Variants in PXYLP1 observed in about 807,000 individuals in gnomAD.
PXYLP1 encodes the protein 2-phosphoxylose phosphatase 1, also known as acid phosphatase-like 2.
PXYLP1 carries 17 observed loss-of-function variants against 37.9 expected under a neutral mutation model. That is an observed-to-expected ratio of 0.45 (90% CI 0.31 to 0.67). The LOEUF (loss-of-function observed/expected upper bound fraction) is 0.67, where lower values mean the gene tolerates loss of function less well. PXYLP1 is among the 30% of genes least tolerant of loss of function. The probability of loss-of-function intolerance (pLI) is 0.07; values close to 1 mark genes in which losing one functional copy is unlikely to be tolerated. For synonymous variants in PXYLP1, 221 were observed against 232.2 expected (o/e 0.95, Z 0.44); for missense variants, 511 against 612.0 (o/e 0.84, Z 1.74).
At position 141,246,446 on chromosome 3, in the gene PXYLP1, G is replaced by A. The variant is rs188185999; in HGVS notation, c.-53-13677G>A. ...TGTGAGACAGGGTGCTAAACAAGGC[G>A]GGTGAGTTGAAGGGCAGCCTCTATG... On this transcript the variant is annotated intron_variant, in intron 1 of 5. Coordinates refer to ENST00000286353, the MANE Select transcript of PXYLP1 (RefSeq NM_001037172.3). Among the ~76,000 whole-genome samples, 463 of 152,268 alleles carry A rather than the reference G, an allele frequency of 3.0e-3. 2 individuals are homozygous for A. The highest frequency in any genetic ancestry group is 6.8e-3 in the Middle Eastern group (2 of 294).
chr3:141,262,828 G>T (rs1191263747), intron 2 of PXYLP1: 17 of 827,248 alleles, frequency 2.1e-5, no homozygotes, highest in Non-Finnish European at 3.1e-5. Flanking sequence ...GTAAGAAACA[G>T]CACTAATTCA....
At chr3:141,235,216 C>T (rs1355182405) in intron 1 of PXYLP1, 2 of 152,178 alleles carry the variant, frequency 1.3e-5, no homozygotes, top group Non-Finnish European at 2.9e-5. Flanking sequence ...TTTGCTGGGC[C>T]CATCATTCTG....
At chr3:141,287,881 C>T (rs1284253917) in intron 5 of PXYLP1, among the ~76,000 whole-genome samples, 1 of 152,244 alleles carries the variant, frequency 6.6e-6, no homozygotes, top group South Asian at 2.1e-4. Context: ...TCCACTACAT[C>T]ATTTATGATA....
rs1223035030 is a variant in PXYLP1 at position 141,293,437 on chromosome 3, T to A, written c.*232T>A. Reference sequence around the variant, plus strand: ...TCACAGAGGAATAGAAGGTACTTTATCATAGCCAGACTTCGCTTAGAATGC... The same window carrying A: ...TCACAGAGGAATAGAAGGTACTTTAACATAGCCAGACTTCGCTTAGAATGC... On this transcript the variant is annotated 3_prime_UTR_variant, in exon 6 of 6. Coordinates refer to ENST00000286353, the MANE Select transcript of PXYLP1 (RefSeq NM_001037172.3). The A allele has an allele frequency of 1.7e-5, 9 of 541,800 alleles. No individual in the cohort carries two copies. The highest frequency in any genetic ancestry group is 2.9e-5 in the Non-Finnish European group (9 of 309,348). 33.6% of individuals were successfully genotyped at this position (541,800 alleles called of 1,614,324 possible).
intron 1 of PXYLP1, among the ~76,000 whole-genome samples, chr3:141,239,869 G>A (rs1940753036): frequency 6.6e-6 from 1 of 152,178 alleles, no homozygotes; most frequent in African/African-American, 2.4e-5. Flanking sequence ...TAGAAAGCAG[G>A]GACCATACCC....
At chr3:141,232,947 C>A (rs1332953386) in intron 1 of PXYLP1, among the ~76,000 whole-genome samples, 1 of 149,970 alleles carries the variant, frequency 6.7e-6, no homozygotes, top group Admixed American at 6.6e-5. Context: ...GGAATCAGAT[C>A]GAGCTGTGAA....
intron 2 of PXYLP1, among the ~76,000 whole-genome samples, chr3:141,265,459 T>C (rs988395315): frequency 2.6e-5 from 4 of 151,234 alleles, no homozygotes; most frequent in Non-Finnish European, 5.9e-5. Context: ...GCACACAAAA[T>C]CTAAGAACTG....
chr3:141,252,558 C>A (rs1325656646), intron 1 of PXYLP1, among the ~76,000 whole-genome samples: 1 of 152,174 alleles, frequency 6.6e-6, no homozygotes, highest in Non-Finnish European at 1.5e-5. Context: ...AGCTCACTCA[C>A]CAGCAAGAGG....
chr3:141,243,799 T>A lies in PXYLP1; in HGVS notation c.-54+11888T>A, dbSNP rs1940872969. Among the ~76,000 whole-genome samples the A allele has an allele frequency of 2.0e-5, 3 of 152,262 alleles. No individual in the cohort carries two copies. The South Asian group carries it at 6.2e-4, about 32-fold the overall frequency. ...CTGCTACCTGAATTCCACATCAGAT[T>A]CCATGTTGTGATGAGTGTTGAAAGA... On this transcript the variant is annotated intron_variant, in intron 1 of 5. Transcript: ENST00000286353.
intron 5 of PXYLP1, among the ~76,000 whole-genome samples, chr3:141,290,476 G>A (rs905448612): frequency 3.3e-5 from 5 of 152,204 alleles, no homozygotes; most frequent in South Asian, 2.1e-4. Context: ...AGCAGCATAT[G>A]GGAAGAGGAA....
chr3:141,243,638 C>T (rs11710222), intron 1 of PXYLP1, among the ~76,000 whole-genome samples: 34,753 of 152,212 alleles, frequency 0.23, 5,707 homozygotes, highest in African/African-American at 0.47. Flanking sequence ...TCCCCCACCC[C>T]TCGGGTGCCT....
chr3:141,291,839 G>A (rs542150194), intron 5 of PXYLP1: 16 of 166,526 alleles, frequency 9.6e-5, no homozygotes, highest in East Asian at 3.5e-4. Context: ...GTCAGCCTTC[G>A]CCTGAGCGGT....
chr3:141,245,813 A>G (rs1940921592), intron 1 of PXYLP1, among the ~76,000 whole-genome samples: 1 of 152,176 alleles, frequency 6.6e-6, no homozygotes, highest in Non-Finnish European at 1.5e-5. Context: ...ATATATGGAT[A>G]TTGTATACTC....
chr3:141,237,901 T>G (rs1014964363), intron 1 of PXYLP1, among the ~76,000 whole-genome samples: 18 of 152,334 alleles, frequency 1.2e-4, no homozygotes, highest in Non-Finnish European at 2.5e-4. Flanking sequence ...CTCATCTGTG[T>G]CTGACACATG....
At chr3:141,285,019 G>T (rs1175326110) in intron 4 of PXYLP1, among the ~76,000 whole-genome samples, 1 of 152,158 alleles carries the variant, frequency 6.6e-6, no homozygotes, top group Non-Finnish European at 1.5e-5. Context: ...CAGGGATGGA[G>T]CAGTGGACCA....
chr3:141,245,852 C>T (rs16851204), intron 1 of PXYLP1, among the ~76,000 whole-genome samples: 6,692 of 152,278 alleles, frequency 0.044, 346 homozygotes, highest in East Asian at 0.2. Flanking sequence ...TGACCTGTTC[C>T]GTGCATTCTG....
chr3:141,292,372 A>G lies in PXYLP1; in HGVS notation c.610A>G (p.Thr204Ala). 1.2e-6 allele frequency: 2 copies of G among 1,614,162 alleles called. No homozygotes were observed. Among genetic ancestry groups the G allele is most frequent in the African/African-American group, 1.3e-5 (1 of 75,036 alleles). ...DWSADQLYLE[T>A]TGKSRTLQSG... ...GTCTGCAGACCAGCTCTATTTAGAG[A>G]CCACTGGGAAAAGCCGGACCCTACA... Residue 204 changes from threonine (T) to alanine (A), a missense_variant, in exon 6 of 6, where the codon ACC (threonine) becomes GCC (alanine). Coordinates refer to ENST00000286353, the MANE Select transcript of PXYLP1 (RefSeq NM_001037172.3). The surrounding 1 kb of genome is among the most constrained non-coding windows in gnomAD (Gnocchi z 4.3).
At position 141,238,295 on chromosome 3, in the gene PXYLP1, C is replaced by T. The variant is rs528475187; in HGVS notation, c.-54+6384C>T. ...AGAGAGGACCTTCCTCCTCAGACCT[C>T]GCTTTGCTTGCTCTGTGCGTCCTAC... On this transcript the variant is annotated intron_variant, in intron 1 of 5. Transcript: ENST00000286353. Among the ~76,000 whole-genome samples, 5 of 152,314 alleles carry T rather than the reference C, an allele frequency of 3.3e-5. No homozygotes were observed. In the South Asian group the frequency reaches 6.2e-4, roughly 19 times the overall value.
chr3:141,293,192 G>A lies in PXYLP1; in HGVS notation c.1430G>A (p.Arg477Lys). Residue 477 changes from arginine to lysine, a missense_variant, in exon 6 of 6, where the codon AGG becomes AAG. Coordinates refer to ENST00000286353, the MANE Select transcript of PXYLP1 (RefSeq NM_001037172.3). ...SGTNYYDACH[R>K]EGF ...ACAAATTATTATGATGCATGTCACA[G>A]GGAAGGATTCTAAAAGGTATGCAGT... 6.2e-7 allele frequency: 1 copy of A among 1,613,254 alleles called. No individual in the cohort carries two copies. The highest frequency in any genetic ancestry group is 8.5e-7 in the Non-Finnish European group (1 of 1,179,658).
Sources: gnomAD v4.1 joint callset for allele counts (sites outside exome capture counted in the v4.1 genomes callset) on GRCh38, gnomAD v4.1.1 for gene constraint, Gnocchi (gnomAD v3.1) non-coding constraint, MANE v1.5 for transcripts, NCBI Gene and HGNC (gene_info 2026-07-23, HGNC 2026-07-21) for gene names.